The following GRIA2 variants were observed in gnomAD, a reference collection of about 807,000 sequenced individuals.
The protein encoded by GRIA2 is glutamate receptor 2.
A neutral mutation model predicts 97.3 loss-of-function variants in GRIA2; 14 were observed. The observed-to-expected ratio is 0.14, with a 90% CI of 0.10 to 0.23. GRIA2 has a LOEUF of 0.23. Among genes scored for constraint, GRIA2 ranks in the 10% least tolerant of loss-of-function variants. GRIA2 has a pLI of 1.00. For synonymous variants in GRIA2, 412 were observed against 387.8 expected (o/e 1.06, Z -0.73); for missense variants, 558 against 1,069.8 (o/e 0.52, Z 6.67).
chr4:157,250,963 C>T (rs1730992704), intron 2 of GRIA2, among the ~76,000 whole-genome samples: 1 of 152,036 alleles, frequency 6.6e-6, no homozygotes, highest in East Asian at 1.9e-4. Flanking sequence ...TGTTTCTGCC[C>T]TATTGCTCTG....
chr4:157,259,116 T>A (rs1350199644), intron 2 of GRIA2, among the ~76,000 whole-genome samples: 1 of 152,046 alleles, frequency 6.6e-6, no homozygotes, highest in Non-Finnish European at 1.5e-5. Flanking sequence ...TGGTCCCACC[T>A]ACTAAGGAGG....
In GRIA2 at chr4:157,347,923, A is replaced by G. The variant is rs528001466; in HGVS notation, c.2043+6461A>G. 7.9e-5 allele frequency among the ~76,000 whole-genome samples: 12 copies of G among 152,272 alleles called. No individual in the cohort carries two copies. In the East Asian group the frequency reaches 2.3e-3, roughly 30 times the overall value. On this transcript the variant is annotated intron_variant, in intron 12 of 15. Coordinates refer to ENST00000264426, the MANE Select transcript of GRIA2 (RefSeq NM_001083619.3). ...GGCAGATCTCGAGGTCAAGAGATTGAGACCATCCTGGCCAACATGGTGAAA... is the reference window on the plus strand; with the variant it reads ...GGCAGATCTCGAGGTCAAGAGATTGGGACCATCCTGGCCAACATGGTGAAA...
intron 12 of GRIA2, among the ~76,000 whole-genome samples, chr4:157,355,951 T>TATATATATATATATATAAA (rs1560781240): frequency 1.5e-5 from 1 of 68,104 alleles, no homozygotes; most frequent in Non-Finnish European, 2.4e-5. Context: ...TAATATATAT[T>TATATATATATATATATAAA]TATATATTTA....
At chr4:157,298,054 GA>G (rs928606362) in intron 2 of GRIA2, among the ~76,000 whole-genome samples, 3 of 151,602 alleles carry the variant, frequency 2.0e-5, no homozygotes, top group Non-Finnish European at 4.4e-5. Context: ...TGAAGAAAAA[GA>G]AAAAAAATTG....
chr4:157,285,559 G>T (rs1045914045), intron 2 of GRIA2, among the ~76,000 whole-genome samples: 3 of 115,290 alleles, frequency 2.6e-5, no homozygotes, highest in African/African-American at 1.2e-4. Context: ...TATAATATTT[G>T]TGTGTGTGTG....
chr4:157,301,280 A>G (rs1223577861), intron 2 of GRIA2, among the ~76,000 whole-genome samples: 1 of 152,240 alleles, frequency 6.6e-6, no homozygotes, highest in African/African-American at 2.4e-5. Context: ...GCTATTTTTC[A>G]TGTATGTGAA....
chr4:157,233,935 G>T (rs1458865066), intron 2 of GRIA2, among the ~76,000 whole-genome samples: 1 of 152,092 alleles, frequency 6.6e-6, no homozygotes, highest in African/African-American at 2.4e-5. Context: ...CTATAAATTT[G>T]TGGAGAAGCT....
chr4:157,317,010 A>G (rs1286747152), intron 4 of GRIA2, among the ~76,000 whole-genome samples: 1 of 152,192 alleles, frequency 6.6e-6, no homozygotes, highest in Non-Finnish European at 1.5e-5. Context: ...CTTGACATTC[A>G]TTTTAGATTT....
chr4:157,262,677 C>T (rs1412663179), intron 2 of GRIA2, among the ~76,000 whole-genome samples: 1 of 151,900 alleles, frequency 6.6e-6, no homozygotes, highest in Non-Finnish European at 1.5e-5. Flanking sequence ...TGTGTTGCAT[C>T]CAAACAAATC....
chr4:157,360,135 C>T lies in GRIA2; in HGVS notation c.2283C>T (p.Ser761=), dbSNP rs375723423. Residue 761 remains serine (S), a synonymous_variant, in exon 13 of 16, where the codon TCC becomes TCT. Coordinates refer to ENST00000264426, the MANE Select transcript of GRIA2 (RefSeq NM_001083619.3). ...KGYGIATPKG[S]SLRNAVNLAV... ...ATGGCATCGCAACACCTAAAGGATC[C>T]TCATTAAGGTGGGTGGAATAGTATA... 40 of 1,613,498 alleles carry T rather than the reference C, an allele frequency of 2.5e-5. No homozygotes were observed. The African/African-American group carries it at 5.3e-4, about 22-fold the overall frequency.
At chr4:157,315,025 C>T (rs1410213284) in intron 4 of GRIA2, among the ~76,000 whole-genome samples, 1 of 152,152 alleles carries the variant, frequency 6.6e-6, no homozygotes, top group Admixed American at 6.5e-5. Flanking sequence ...GAGAAAGAAC[C>T]TTTCTTAAAA....
At chr4:157,336,098 A>G (rs189708027) in intron 10 of GRIA2, among the ~76,000 whole-genome samples, 1 of 152,162 alleles carries the variant, frequency 6.6e-6, no homozygotes, top group African/African-American at 2.4e-5. Context: ...CTTGAAGCAT[A>G]TGGGCCATAT....
At chr4:157,280,870 GTCTA>G (rs1732561978) in intron 2 of GRIA2, among the ~76,000 whole-genome samples, 1 of 152,086 alleles carries the variant, frequency 6.6e-6, no homozygotes, top group South Asian at 2.1e-4. Context: ...TTTAGTAACA[GTCTA>G]TTGTGGTCTG....
At chr4:157,240,571 C>G (rs941746930) in intron 2 of GRIA2, among the ~76,000 whole-genome samples, 1 of 152,056 alleles carries the variant, frequency 6.6e-6, no homozygotes, top group East Asian at 1.9e-4. Context: ...GTTCTCTAAT[C>G]TTATTGCACT....
chr4:157,223,555 C>G (rs1168139782), intron 2 of GRIA2, among the ~76,000 whole-genome samples: 2 of 152,166 alleles, frequency 1.3e-5, no homozygotes, highest in Non-Finnish European at 2.9e-5. Context: ...CAGATTTAGA[C>G]TATTCATTTG....
At position 157,324,874 on chromosome 4, in the gene GRIA2, C is replaced by T. The variant is rs187709984; in HGVS notation, c.882+3275C>T. ...GAATATAGTCTCAATATATTATTTG[C>T]TTACAGAAAGGGAGTGAAATATTTC... On this transcript the variant is annotated intron_variant, in intron 6 of 15. Coordinates refer to ENST00000264426, the MANE Select transcript of GRIA2 (RefSeq NM_001083619.3). Among the ~76,000 whole-genome samples the T allele has an allele frequency of 8.2e-4, 125 of 152,240 alleles. 2 individuals are homozygous for T. In the East Asian group the frequency reaches 0.016, roughly 19 times the overall value.
rs1334692207 is a variant in GRIA2, at chr4:157,332,890, A to G, written c.954A>G (p.Arg318=). The change falls in exon 7 of 16, where the codon AGA becomes AGG. Residue 318 remains arginine, a synonymous_variant. Transcript: ENST00000264426. ...TEAFRNLRKQ[R]IEISRRGNAG... is the part of the protein sequence containing the mutation. ...CCTTCCGCAACCTAAGGAAGCAAAG[A>G]ATTGAAATCTCCCGAAGGGGGAATG... 6.2e-7 allele frequency: 1 copy of G among 1,612,746 alleles called. No individual in the cohort carries two copies.
intron 2 of GRIA2, among the ~76,000 whole-genome samples, chr4:157,242,957 A>G (rs1195580017): frequency 6.6e-6 from 1 of 152,100 alleles, no homozygotes; most frequent in Non-Finnish European, 1.5e-5. Flanking sequence ...AGCAATTCCT[A>G]TCTATGCTTG....
intron 11 of GRIA2, among the ~76,000 whole-genome samples, chr4:157,338,008 GTATATATATATATATATATATATATA>G (rs70958818): frequency 1.4e-4 from 11 of 79,324 alleles, no homozygotes; most frequent in Admixed American, 4.6e-4. Flanking sequence ...ATATATATGT[GTATATATATATATATATATATATATA>G]TATATATATA....
Sources: gnomAD v4.1 joint callset for allele counts (sites outside exome capture counted in the v4.1 genomes callset) on GRCh38, gnomAD v4.1.1 for gene constraint, MANE v1.5 for transcripts, NCBI Gene and HGNC (gene_info 2026-07-23, HGNC 2026-07-21) for gene names.